Variants in MED13L observed in about 807,000 individuals in gnomAD.
The protein encoded by MED13L is mediator of RNA polymerase II transcription subunit 13-like.
A neutral mutation model predicts 220.9 loss-of-function variants in MED13L; 7 were observed. That is an observed-to-expected ratio of 0.03 (90% confidence interval 0.02 to 0.06). The LOEUF is 0.06. Ranked by LOEUF, MED13L falls within the 10% of genes least tolerant of loss-of-function variation. The probability of loss-of-function intolerance (pLI) is 1.00; values close to 1 mark genes in which losing one functional copy is unlikely to be tolerated. For missense variants in MED13L, 1,965 were observed against 2,760.5 expected (o/e 0.71, Z 6.46); for synonymous variants, 1,011 against 1,015.2 (o/e 1.00, Z 0.08).
chr12:116,036,073 T>C (rs984375472), intron 4 of MED13L, among the ~76,000 whole-genome samples: 1 of 152,154 alleles, frequency 6.6e-6, no homozygotes, highest in Non-Finnish European at 1.5e-5. Flanking sequence ...TCCATGAGGG[T>C]AGAAACCATG....
chr12:116,222,275 T>C (rs1263769310), intron 2 of MED13L, among the ~76,000 whole-genome samples: 1 of 152,220 alleles, frequency 6.6e-6, no homozygotes, highest in African/African-American at 2.4e-5. Flanking sequence ...CAAATTTAAA[T>C]GTCTTGCCTG....
intron 3 of MED13L, among the ~76,000 whole-genome samples, chr12:116,104,242 T>C (rs1054432807): frequency 2.0e-5 from 3 of 152,052 alleles, no homozygotes; most frequent in African/African-American, 7.2e-5. Flanking sequence ...ACTCCTGACC[T>C]CAGGTGATCC....
chr12:116,006,171 A>T, intron 12 of MED13L, 135 bp downstream of exon 12: 2 of 1,254,438 alleles, frequency 1.6e-6, no homozygotes, highest in South Asian at 2.7e-5. Context: ...GAACTGAAAA[A>T]CAAACTATGA....
intron 16 of MED13L, among the ~76,000 whole-genome samples, chr12:115,994,392 G>T (rs1878265166): frequency 6.6e-6 from 1 of 152,294 alleles, no homozygotes; most frequent in African/African-American, 2.4e-5. Flanking sequence ...CAAGGCTGCA[G>T]TGAGCTGTGA....
chr12:116,098,114 T>C (rs1001960976), intron 3 of MED13L, among the ~76,000 whole-genome samples: 2 of 151,774 alleles, frequency 1.3e-5, no homozygotes, highest in African/African-American at 4.8e-5. Flanking sequence ...GGCGTGGTGG[T>C]GCGCGCCTGT....
chr12:116,271,040 C>CAAAAAAAAAAAAAAA (rs58162276), intron 1 of MED13L, among the ~76,000 whole-genome samples: 1 of 30,096 alleles, frequency 3.3e-5, no homozygotes, highest in Non-Finnish European at 5.8e-5. Flanking sequence ...GACTCCGTCT[C>CAAAAAAAAAAAAAAA]AAAAAAAAAA....
At position 116,170,110 on chromosome 12, in the gene MED13L, T is replaced by C. The variant is rs1380493298; in HGVS notation, c.311-58598A>G. Among the ~76,000 whole-genome samples, 5 of 152,300 alleles carry C rather than the reference T, an allele frequency of 3.3e-5. No homozygotes were observed. The South Asian group carries it at 6.2e-4, about 19-fold the overall frequency. ...ATCATACACTTTGATTATCAAGCAT[T>C]GGTCATTTGGAAAATACTGGTTAAC... On this transcript the variant is annotated intron_variant, in intron 2 of 30. Transcript: ENST00000281928.
chr12:116,259,011 G>C (rs1872289386), intron 1 of MED13L, among the ~76,000 whole-genome samples: 1 of 149,328 alleles, frequency 6.7e-6, no homozygotes, highest in Non-Finnish European at 1.5e-5. Context: ...ATTGTCCATA[G>C]AAATGTAAAC....
rs774756417 is a variant in MED13L at position 115,987,275 on chromosome 12, G to A, written c.3948C>T (p.Ser1316=). The A allele has an allele frequency of 2.5e-6, 4 of 1,613,070 alleles. No individual in the cohort carries two copies. Among genetic ancestry groups the A allele is most frequent in the Non-Finnish European group, 3.4e-6 (4 of 1,179,918 alleles). The change falls in exon 18 of 31, where the codon AGC becomes AGT. Residue 1316 remains serine (S), a synonymous_variant. Transcript: ENST00000281928. ...SWPHSNVLDI[S]MLSSQDVVRM... is the part of the protein sequence containing the mutation. ...GAACCACATCCTGGGAGGAGAGCAT[G>A]CTGATGTCCAGCACTGGAAGAGAAG...
intron 26 of MED13L, among the ~76,000 whole-genome samples, 161 bp downstream of exon 26, chr12:115,971,917 C>T (rs750580989): frequency 6.6e-6 from 1 of 152,186 alleles, no homozygotes; most frequent in African/African-American, 2.4e-5. Flanking sequence ...CAAACCACTC[C>T]GCATGGAAGG....
chr12:116,094,850 T>C (rs952022064), intron 4 of MED13L, among the ~76,000 whole-genome samples: 15 of 152,126 alleles, frequency 9.9e-5, no homozygotes, highest in African/African-American at 3.6e-4. Flanking sequence ...CCTCTGTAAA[T>C]TTAAGGAGAA....
In MED13L at chr12:116,274,174, A is replaced by G. The variant is rs542160912; in HGVS notation, c.72+2886T>C. 2.0e-4 allele frequency among the ~76,000 whole-genome samples: 30 copies of G among 152,208 alleles called. 1 individual carries two copies. The highest frequency in any genetic ancestry group is 3.8e-4 in the Non-Finnish European group (26 of 68,024). The stretch of plus-strand genomic sequence containing the variant: ...CGTTAGGAAAAGGGAATGGATGCTG[A>G]AAAATTAATTTAAGAAATTTGATTC... On this transcript the variant is annotated intron_variant, in intron 1 of 30. Transcript: ENST00000281928.
chr12:116,033,858 C>G (rs573391283), intron 4 of MED13L, among the ~76,000 whole-genome samples: 112 of 152,250 alleles, frequency 7.4e-4, no homozygotes, highest in African/African-American at 2.6e-3. Flanking sequence ...CTAAACACAA[C>G]ATAAACCTAT....
At position 116,277,272 on chromosome 12, in the gene MED13L, G is replaced by T. The variant is rs1873950674; in HGVS notation, c.-141C>A. On this transcript the variant is annotated 5_prime_UTR_variant, in exon 1 of 31. Coordinates refer to ENST00000281928, the MANE Select transcript of MED13L (RefSeq NM_015335.5). ...GCCGCCGGGGGAGGGCGCGAGGGCC[G>T]GCGGGCAGGCGGGAGGCGCCGCGGC... 1 of 186,776 alleles carries T rather than the reference G, an allele frequency of 5.4e-6. No homozygotes were observed. The highest frequency in any genetic ancestry group is 2.4e-5 in the African/African-American group (1 of 41,392). The allele number at this position is 186,776 out of a possible 1,614,324, so 11.6% of individuals were successfully genotyped here. A position where few individuals can be genotyped will look rare whatever the true frequency, so the allele number is the denominator to read the frequency against.
chr12:116,012,703 G>T, intron 9 of MED13L, 94 bp downstream of exon 9: 1 of 906,726 alleles, frequency 1.1e-6, no homozygotes, highest in African/African-American at 1.6e-5. Context: ...GGAGAATGGA[G>T]AATCAGGAAG....
At chr12:116,046,945 C>G (rs548172414) in intron 4 of MED13L, among the ~76,000 whole-genome samples, 156 of 152,218 alleles carry the variant, frequency 1.0e-3, no homozygotes, top group African/African-American at 3.7e-3. Flanking sequence ...TGCACTCCAG[C>G]CTGGGCGACA....
intron 16 of MED13L, among the ~76,000 whole-genome samples, chr12:115,994,769 T>C (rs1878291892): frequency 6.6e-6 from 1 of 152,204 alleles, no homozygotes; most frequent in Admixed American, 6.5e-5. Context: ...TGTGCCAGGA[T>C]CTAGCTGAGT....
chr12:116,067,108 CAA>C (rs1195206574), intron 4 of MED13L, among the ~76,000 whole-genome samples: 1 of 151,380 alleles, frequency 6.6e-6, no homozygotes, highest in Non-Finnish European at 1.5e-5. Context: ...AAATAATCAA[CAA>C]GAGATGAAAA....
chr12:116,025,314 A>T (rs1880321653), intron 4 of MED13L, among the ~76,000 whole-genome samples: 1 of 152,240 alleles, frequency 6.6e-6, no homozygotes, highest in African/African-American at 2.4e-5. Flanking sequence ...TATGAAAAAC[A>T]GTATAAAGAT....
Sources: allele counts gnomAD v4.1 joint callset (sites outside exome capture counted in the v4.1 genomes callset), GRCh38; gene constraint gnomAD v4.1.1; transcripts MANE v1.5; gene names NCBI Gene and HGNC (gene_info 2026-07-23, HGNC 2026-07-21).